The following ZNF320 variants were observed in gnomAD, a reference collection of about 807,000 sequenced individuals.
ZNF320 encodes the protein zinc finger gene 320.
A neutral mutation model predicts 6.8 loss-of-function variants in ZNF320; 2 were observed. That is an observed-to-expected ratio of 0.29 (90% CI 0.12 to 0.93). The LOEUF is 0.93. Ranked by LOEUF, ZNF320 falls within the 40% of genes least tolerant of loss-of-function variation. ZNF320 has a pLI of 0.55. For missense variants in ZNF320, 472 were observed against 611.0 expected (o/e 0.77, Z 2.40); for synonymous variants, 208 against 203.2 (o/e 1.02, Z -0.20).
At chr19:52,865,489 A>ATATATATT (rs2063533508) in intron 5 of ZNF320, 1 of 137,974 alleles carries the variant, frequency 7.2e-6, no homozygotes, top group African/African-American at 2.9e-5. Context: ...TATATAATAC[A>ATATATATT]TATATATTAT....
At chr19:52,866,411 C>G (rs1002883885) in intron 5 of ZNF320, among the ~76,000 whole-genome samples, 2 of 151,662 alleles carry the variant, frequency 1.3e-5, no homozygotes, top group Admixed American at 1.3e-4. Context: ...TCAACACACT[C>G]AGAGGCAGCC....
chr19:52,900,421 A>G (rs1015819779), upstream of ZNF320, among the ~76,000 whole-genome samples: 16 of 152,200 alleles, frequency 1.1e-4, no homozygotes, highest in Non-Finnish European at 2.1e-4. Context: ...CTGGGAATTC[A>G]TCAGGAACTG....
At chr19:52,860,058 G>C (rs913458052), downstream of ZNF320, among the ~76,000 whole-genome samples, 1 of 151,786 alleles carries the variant, frequency 6.6e-6, no homozygotes, top group African/African-American at 2.4e-5. Flanking sequence ...GACTACAGGC[G>C]CCCGCCACCA....
chr19:52,883,635 C>T (rs754622973), intron 5 of ZNF320: 51 of 455,336 alleles, frequency 1.1e-4, no homozygotes, highest in Non-Finnish European at 1.9e-4. Flanking sequence ...CACGGTGGCA[C>T]ATACCTGTAA....
upstream of ZNF320, among the ~76,000 whole-genome samples, chr19:52,898,427 G>A (rs57936844): frequency 1.2e-4 from 18 of 152,266 alleles, no homozygotes; most frequent in South Asian, 6.2e-4. Context: ...CCAGGCCAGC[G>A]TGGGCGACAA....
At chr19:52,899,616 C>G (rs547783610), upstream of ZNF320, among the ~76,000 whole-genome samples, 1 of 152,100 alleles carries the variant, frequency 6.6e-6, no homozygotes, top group African/African-American at 2.4e-5. Context: ...GTGCTGCCAC[C>G]GCACCCGGCT....
chr19:52,865,776 T>A (rs2063547773), intron 5 of ZNF320, among the ~76,000 whole-genome samples: 1 of 124,908 alleles, frequency 8.0e-6, no homozygotes, highest in Non-Finnish European at 1.5e-5. Flanking sequence ...TACACATATA[T>A]TTATATATAT....
chr19:52,869,586 G>A (rs1568697624), intron 5 of ZNF320, among the ~76,000 whole-genome samples: 1 of 152,108 alleles, frequency 6.6e-6, no homozygotes, highest in East Asian at 1.9e-4. Flanking sequence ...GCCCAGGCTG[G>A]AGTGTAGTGG....
chr19:52,863,793 GA>G (rs1195920582), exon 6 of ZNF320: 3 of 187,974 alleles, frequency 1.6e-5, no homozygotes, highest in Non-Finnish European at 3.3e-5. Flanking sequence ...CAGCACTTTA[GA>G]GGCCGAGGCG....
intron 5 of ZNF320, among the ~76,000 whole-genome samples, chr19:52,868,370 G>T (rs550420019): frequency 3.1e-4 from 47 of 152,106 alleles, no homozygotes; most frequent in African/African-American, 7.2e-4. Context: ...GCTGGGTGTG[G>T]TGGTACATGC....
At chr19:52,860,494 G>C (rs75724480), downstream of ZNF320, among the ~76,000 whole-genome samples, 2,596 of 151,012 alleles carry the variant, frequency 0.017, 86 homozygotes, top group African/African-American at 0.059. Flanking sequence ...AGCTCCTCAG[G>C]ATGCTGAGGA....
intron 4 of ZNF320, among the ~76,000 whole-genome samples, chr19:52,889,507 G>A (rs915084692): frequency 1.3e-5 from 2 of 151,970 alleles, no homozygotes; most frequent in African/African-American, 4.8e-5. Flanking sequence ...TTATCCTCTA[G>A]GATAAAAAAG....
chr19:52,891,754 G>A lies in ZNF320; in HGVS notation c.-191-408C>T, dbSNP rs1273438480. On this transcript the variant is annotated intron_variant, in intron 2 of 5. Transcript: ENST00000682928. Reference sequence around the variant, plus strand: ...AGCTGGTGGAGGGTTCCCTGCCAGGGACTGATGTGACCTGCTTTACATTTA... The same window carrying A: ...AGCTGGTGGAGGGTTCCCTGCCAGGAACTGATGTGACCTGCTTTACATTTA... 6.6e-5 allele frequency among the ~76,000 whole-genome samples: 10 copies of A among 152,296 alleles called. No individual in the cohort carries two copies. In the South Asian group the frequency reaches 1.2e-3, roughly 19 times the overall value.
Position 52,876,659 on chromosome 19 carries a change from G to A in ZNF320, c.*3937C>T, listed in dbSNP as rs2063774975. 6.6e-6 allele frequency: 1 copy of A among 152,100 alleles called. No individual in the cohort carries two copies. 9.4% of individuals were successfully genotyped at this position (152,100 alleles called of 1,614,324 possible). A position where few individuals can be genotyped will look rare whatever the true frequency, so the allele number is the denominator to read the frequency against. ...ATTACAGGCACTCGCCACCACACCA[G>A]GCTAATTTCTATATTTTGGTCAAAA... On this transcript the variant is annotated 3_prime_UTR_variant, in exon 6 of 6. Transcript: ENST00000682928.
chr19:52,886,947 AAAG>A (rs1371732175), intron 5 of ZNF320, among the ~76,000 whole-genome samples: 4 of 148,544 alleles, frequency 2.7e-5, no homozygotes, highest in Non-Finnish European at 5.9e-5. Context: ...AAAAGAAAGA[AAAG>A]AAGAAAGAAA....
rs376817379 is a variant in ZNF320, at chr19:52,888,625, C to CG, written c.16-373_16-372insC. On this transcript the variant is annotated intron_variant, in intron 4 of 5. Coordinates refer to ENST00000682928, the MANE Select transcript of ZNF320 (RefSeq NM_001351774.2). ...AGCCTGGGCAACAAAGCAAGACTCT[C>CG]TCTCAAAATAAAATAAAATACATGA... Among the ~76,000 whole-genome samples, 2 of 105,578 alleles carry CG rather than the reference C, an allele frequency of 1.9e-5. 1 individual carries two copies. Among genetic ancestry groups the CG allele is most frequent in the African/African-American group, 7.6e-5 (2 of 26,218 alleles). The allele number at this position is 105,578 out of a possible 152,430, so 69.3% of individuals were successfully genotyped here. A position where few individuals can be genotyped will look rare whatever the true frequency, so the allele number is the denominator to read the frequency against.
rs933118283 is a variant in ZNF320, at chr19:52,878,091, G to T, written c.*2505C>A. The stretch of plus-strand genomic sequence containing the variant: ...GACATTTTCAGCTTGATATGGTAAC[G>T]TGACTGAATCTTCAGACAGCATGAA... On this transcript the variant is annotated 3_prime_UTR_variant, in exon 6 of 6. Transcript: ENST00000682928. 3 of 203,188 alleles carry T rather than the reference G, an allele frequency of 1.5e-5. No individual in the cohort carries two copies. In the East Asian group the frequency reaches 3.5e-4, roughly 24 times the overall value. 12.6% of individuals were successfully genotyped at this position (203,188 alleles called of 1,614,324 possible). A position where few individuals can be genotyped will look rare whatever the true frequency, so the allele number is the denominator to read the frequency against.
At position 52,880,695 on chromosome 19, in the gene ZNF320, G is replaced by C; in HGVS notation, c.1431C>G (p.Val477=). The C allele has an allele frequency of 6.2e-7, 1 of 1,613,880 alleles. No homozygotes were observed. The highest frequency in any genetic ancestry group is 8.5e-7 in the Non-Finnish European group (1 of 1,179,842). The change falls in exon 6 of 6, where the codon GTC becomes GTG. Residue 477 remains valine, a synonymous_variant. Transcript: ENST00000682928. The stretch of plus-strand genomic sequence containing the variant: ...CTGCAAGGAGTGACCTCAGACTAAA[G>C]ACCTTGCCACACTGATGACATTTGT... ...KSYKCHQCGK[V]FSLRSLLAEH...
rs150849811 is a variant in ZNF320, at chr19:52,870,209, G to A, written c.223+3783C>T. On this transcript the variant is annotated intron_variant, in intron 5 of 5. Coordinates refer to the ZNF320 transcript ENST00000673631. ...AAAAATACTTAAAATAGCCAGGTGC[G>A]GTGGCTCACACCTGTAAACCCAGCA... Among the ~76,000 whole-genome samples the A allele has an allele frequency of 5.3e-5, 8 of 151,758 alleles. 1 individual carries two copies. In the East Asian group the frequency reaches 1.2e-3, roughly 22 times the overall value.
Sources: gnomAD v4.1 joint callset for allele counts (sites outside exome capture counted in the v4.1 genomes callset) on GRCh38, gnomAD v4.1.1 for gene constraint, MANE v1.5 for transcripts, NCBI Gene and HGNC (gene_info 2026-07-23, HGNC 2026-07-21) for gene names.